Variants in GABRA2 observed in about 807,000 individuals in gnomAD.
GABRA2 encodes the protein gamma-aminobutyric acid type A receptor subunit alpha2.
A neutral mutation model predicts 48.7 loss-of-function variants in GABRA2; 16 were observed. The ratio of observed to expected loss-of-function variants is 0.33; its 90% CI spans 0.22 to 0.50. GABRA2 has a LOEUF of 0.50. Among genes scored for constraint, GABRA2 ranks in the 20% least tolerant of loss-of-function variants. The pLI, the probability that GABRA2 is intolerant of heterozygous loss-of-function variation, is 0.98. For synonymous variants in GABRA2, 185 were observed against 184.5 expected, an observed-to-expected ratio of 1.00 and a Z score of -0.02; for missense variants, 275 against 535.6, an observed-to-expected ratio of 0.51 and a Z score of 4.80.
chr4:46,335,571 T>C (rs1016955433), intron 3 of GABRA2, among the ~76,000 whole-genome samples: 1 of 152,146 alleles, frequency 6.6e-6, no homozygotes, highest in African/African-American at 2.4e-5. Flanking sequence ...CCTCCAGGGT[T>C]CAAGTGATTC....
At chr4:46,266,390 T>G (rs1278733654) in intron 8 of GABRA2, among the ~76,000 whole-genome samples, 1 of 149,062 alleles carries the variant, frequency 6.7e-6, no homozygotes, top group African/African-American at 2.4e-5. Context: ...TTTTAATATT[T>G]TATTTTAGTT....
At position 46,261,965 on chromosome 4, in the gene GABRA2, T is replaced by C; in HGVS notation, c.1020A>G (p.Arg340=). The C allele has an allele frequency of 3.7e-6, 6 of 1,613,894 alleles. No individual in the cohort carries two copies. Among genetic ancestry groups the C allele is most frequent in the Non-Finnish European group, 5.1e-6 (6 of 1,179,872 alleles). Residue 340 remains arginine (R), a synonymous_variant, in exon 9 of 10, where the codon AGA becomes AGG. Coordinates refer to ENST00000381620, the MANE Select transcript of GABRA2 (RefSeq NM_000807.4). ...EFATVNYFTK[R]GWAWDGKSVV... ...CACTCTTCCCATCCCAAGCCCATCC[T>C]CTTTTGGTGAAGTAATTAACAGTTG...
intron 8 of GABRA2, among the ~76,000 whole-genome samples, chr4:46,283,909 G>A (rs1275842964): frequency 9.2e-5 from 14 of 151,904 alleles, no homozygotes; most frequent in African/African-American, 9.6e-5. Context: ...ACAGGCACCC[G>A]CCACCACACC....
At chr4:46,363,205 A>G (rs1351234893) in intron 3 of GABRA2, among the ~76,000 whole-genome samples, 2 of 152,216 alleles carry the variant, frequency 1.3e-5, no homozygotes, top group African/African-American at 4.8e-5. Flanking sequence ...TGTAGGGAAT[A>G]AGTGAATGAT....
chr4:46,379,259 C>T (rs1444129766), intron 3 of GABRA2, among the ~76,000 whole-genome samples: 1 of 152,154 alleles, frequency 6.6e-6, no homozygotes, highest in Non-Finnish European at 1.5e-5. Flanking sequence ...CATGCTATTT[C>T]CATGCCATAT....
chr4:46,330,574 A>C (rs1173460994), intron 4 of GABRA2, among the ~76,000 whole-genome samples: 1 of 87,642 alleles, frequency 1.1e-5, no homozygotes, highest in Non-Finnish European at 2.5e-5. Context: ...ATATATATAT[A>C]TATATATATA....
chr4:46,285,893 G>A (rs1722462426), intron 8 of GABRA2, among the ~76,000 whole-genome samples: 1 of 151,878 alleles, frequency 6.6e-6, no homozygotes, highest in Non-Finnish European at 1.5e-5. Context: ...TTACTCCTGG[G>A]ATGCCCTTGG....
intron 8 of GABRA2, among the ~76,000 whole-genome samples, chr4:46,277,900 C>G (rs1000876958): frequency 6.6e-6 from 1 of 152,134 alleles, no homozygotes; most frequent in Non-Finnish European, 1.5e-5. Flanking sequence ...TATTTTTAAT[C>G]AATGAAAATA....
At chr4:46,369,051 C>T (rs1300502600) in intron 3 of GABRA2, 2 of 694,648 alleles carry the variant, frequency 2.9e-6, no homozygotes, top group South Asian at 1.5e-5. Flanking sequence ...AAAATAATTA[C>T]ATAATCAAAT....
chr4:46,266,655 T>A (rs1718297474), intron 8 of GABRA2, among the ~76,000 whole-genome samples: 2 of 151,582 alleles, frequency 1.3e-5, no homozygotes, highest in South Asian at 4.1e-4. Flanking sequence ...GCTTCTTGGA[T>A]GTGCTGATAG....
chr4:46,303,423 C>G, intron 8 of GABRA2, 37 bp downstream of exon 8: 1 of 1,563,154 alleles, frequency 6.4e-7, no homozygotes, highest in Non-Finnish European at 8.8e-7. Context: ...TGCTATGAAA[C>G]ATAATGTGCT....
At chr4:46,327,419 C>A (rs756156095) in intron 4 of GABRA2, among the ~76,000 whole-genome samples, 7 of 151,890 alleles carry the variant, frequency 4.6e-5, no homozygotes, top group Non-Finnish European at 8.8e-5. Flanking sequence ...AATGAATGTT[C>A]CCAGTGTCTA....
At chr4:46,377,843 G>A (rs375527336) in intron 3 of GABRA2, among the ~76,000 whole-genome samples, 2,135 of 136,022 alleles carry the variant, frequency 0.016, no homozygotes, top group East Asian at 0.07. Context: ...CAGCTGCCCC[G>A]TCCGGGAGGG....
intron 3 of GABRA2, among the ~76,000 whole-genome samples, chr4:46,378,744 T>C (rs1263472816): frequency 6.6e-6 from 1 of 151,942 alleles, no homozygotes; most frequent in Middle Eastern, 3.2e-3. Flanking sequence ...GGAGGATCAC[T>C]TGAACCCGGG....
rs543766289 is a variant in GABRA2 at position 46,261,712 on chromosome 4, C to T, written c.1059+214G>A. On this transcript the variant is annotated intron_variant, in intron 9 of 9. Coordinates refer to ENST00000381620, the MANE Select transcript of GABRA2 (RefSeq NM_000807.4). ...TTAGCACAGTGCCTGACACATACAG[C>T]TCAACAGATGCTACGGAGTGGTTTT... The T allele has an allele frequency of 2.0e-4, 121 of 609,694 alleles. 2 individuals carry two copies. The South Asian group carries it at 2.3e-3, about 11-fold the overall frequency. The allele number at this position is 609,694 out of a possible 1,614,324, so 37.8% of individuals were successfully genotyped here.
chr4:46,247,825 G>A lies in GABRA2; in HGVS notation c.*2483C>T, dbSNP rs1713987978. On this transcript the variant is annotated 3_prime_UTR_variant, in exon 10 of 10. Transcript: ENST00000381620. ...GAGCATCCCTAGTCTCCCCACAAGAGAAGAAGCTCCTTTTGATTTATTTAA... is the reference window on the plus strand; with the variant it reads ...GAGCATCCCTAGTCTCCCCACAAGAAAAGAAGCTCCTTTTGATTTATTTAA... Among the ~76,000 whole-genome samples, 1 of 151,158 alleles carries A rather than the reference G, an allele frequency of 6.6e-6. No homozygotes were observed. The highest frequency in any genetic ancestry group is 2.4e-5 in the African/African-American group (1 of 41,310).
intron 9 of GABRA2, among the ~76,000 whole-genome samples, chr4:46,255,258 A>G (rs958833709): frequency 7.1e-6 from 1 of 141,720 alleles, no homozygotes; most frequent in Admixed American, 7.2e-5. Flanking sequence ...ACTATGATAA[A>G]AATGTATATA....
At chr4:46,307,460 G>A (rs1393818334) in intron 6 of GABRA2, among the ~76,000 whole-genome samples, 1 of 149,248 alleles carries the variant, frequency 6.7e-6, no homozygotes, top group African/African-American at 2.5e-5. Context: ...TTTTTTAGCG[G>A]AACGACATCA....
intron 3 of GABRA2, among the ~76,000 whole-genome samples, chr4:46,384,406 T>A (rs1301216609): frequency 6.6e-6 from 1 of 152,204 alleles, no homozygotes; most frequent in Non-Finnish European, 1.5e-5. Context: ...TGTAAATCTC[T>A]ATTTGAATGC....
Sources: gnomAD v4.1 joint callset for allele counts (sites outside exome capture counted in the v4.1 genomes callset) on GRCh38, gnomAD v4.1.1 for gene constraint, MANE v1.5 for transcripts, NCBI Gene and HGNC (gene_info 2026-07-23, HGNC 2026-07-21) for gene names.